The following CPAMD8 variants were observed in gnomAD, a reference collection of about 807,000 sequenced individuals.
CPAMD8 encodes the protein C3 and PZP like alpha-2-macroglobulin domain containing 8.
A neutral mutation model predicts 224.7 loss-of-function variants in CPAMD8; 146 were observed. The ratio of observed to expected loss-of-function variants is 0.65; its 90% CI spans 0.57 to 0.75. The LOEUF (loss-of-function observed/expected upper bound fraction) is 0.75. Among genes scored for constraint, CPAMD8 ranks in the 30% least tolerant of loss-of-function variants. The pLI is 0.00. For synonymous variants in CPAMD8, 966 were observed against 1,044.6 expected (o/e 0.92, Z 1.45); for missense variants, 2,301 against 2,537.5 (o/e 0.91, Z 2.00).
Position 16,970,991 on chromosome 19 carries a change from GGT to G in CPAMD8, c.2111_2112del (p.Asn704ThrfsTer11). On this transcript the variant is annotated frameshift_variant, in exon 18 of 42. Transcript: ENST00000443236. LOFTEE classifies it high-confidence loss of function. ...GTGTAGAGGCCACCGTCCTGCCGGT[GGT>G]TCAGGCTCACTCGGTCGGTCATCAC... Reference protein sequence around the residue: ...LVVMTDRVSLNHRQDGGLYTD... With the variant: ...LVVMTDRVSLXHRQDGGLYTD... 1.2e-6 allele frequency: 2 copies of G among 1,613,172 alleles called. No individual in the cohort carries two copies. Among genetic ancestry groups the G allele is most frequent in the Non-Finnish European group, 1.7e-6 (2 of 1,179,534 alleles).
intron 20 of CPAMD8, among the ~76,000 whole-genome samples, chr19:16,950,681 T>A (rs111932067): frequency 0.043 from 6,504 of 151,356 alleles, 252 homozygotes; most frequent in African/African-American, 0.11. Flanking sequence ...TAGTCCCATC[T>A]ACTTGAGAGG....
chr19:17,004,480 C>T (rs1417194543), intron 7 of CPAMD8, 94 bp from the exon 8 acceptor site: 2 of 752,394 alleles, frequency 2.7e-6, no homozygotes, highest in Admixed American at 4.6e-5. Flanking sequence ...CTTCTCCTTC[C>T]CTGAGCAGCC....
intron 29 of CPAMD8, chr19:16,910,845 A>C (rs2052699996): frequency 6.6e-6 from 1 of 152,372 alleles, no homozygotes; most frequent in Non-Finnish European, 1.5e-5. Context: ...ACACGCAGAC[A>C]AAGGCAGGGG....
chr19:16,970,361 C>G (rs1008181082), intron 18 of CPAMD8, among the ~76,000 whole-genome samples: 4 of 151,924 alleles, frequency 2.6e-5, no homozygotes, highest in African/African-American at 9.7e-5. Context: ...CTGCGGCAGG[C>G]AAATCACTTG....
intron 32 of CPAMD8, 40 bp downstream of exon 32, chr19:16,904,186 C>G: frequency 7.3e-7 from 1 of 1,372,990 alleles, no homozygotes; most frequent in Non-Finnish European, 1.0e-6. Flanking sequence ...ACCCCACCCA[C>G]CCAGCCCTGA....
In CPAMD8 at chr19:16,896,537, C is replaced by A. The variant is rs2052000993; in HGVS notation, c.5194G>T (p.Ala1732Ser). ...GCCTCCCGCAGGCGGCAGGCGCTGG[C>A]GTAGACCACCCCGTCGGAGCCGCAC... is the stretch of plus-strand genomic sequence containing the variant. ...PVCGSDGVVY[A>S]SACRLREAAC... Residue 1732 changes from alanine to serine, a missense_variant, in exon 40 of 42, where the codon GCC (alanine) becomes TCC (serine). Coordinates refer to ENST00000443236, the MANE Select transcript of CPAMD8 (RefSeq NM_015692.5). The A allele has an allele frequency of 1.3e-6, 2 of 1,491,282 alleles. No individual in the cohort carries two copies. The allele number at this position is 1,491,282 out of a possible 1,614,324, so 92.4% of individuals were successfully genotyped here. A position where few individuals can be genotyped will look rare whatever the true frequency, so the allele number is the denominator to read the frequency against.
chr19:16,931,919 T>G (rs1168715490), intron 23 of CPAMD8, among the ~76,000 whole-genome samples: 2 of 152,164 alleles, frequency 1.3e-5, no homozygotes, highest in Non-Finnish European at 2.9e-5. Flanking sequence ...ACACCACAGA[T>G]AGATCTTCAG....
At position 16,896,618 on chromosome 19, in the gene CPAMD8, C is replaced by A. The variant is rs1249645678; in HGVS notation, c.5113G>T (p.Ala1705Ser). The change falls in exon 40 of 42, where the codon GCG becomes TCG. Residue 1705 changes from alanine to serine, a missense_variant. By Grantham distance (99) the Ala-to-Ser change is moderately conservative (BLOSUM62 1). This residue lies in a region of CPAMD8 where 1,709 missense variants were observed against 1,753.2 expected (regional missense o/e 0.97). Coordinates refer to ENST00000443236, the MANE Select transcript of CPAMD8 (RefSeq NM_015692.5). ...TCGCAGCCGCATCGCGCGATCGCCG[C>A]CCCCTCCTCAGGGGCCACGGCAGGG... ...SGPAVAPEEG[A>S]AIARCGCDHD... 2.0e-6 allele frequency: 3 copies of A among 1,504,890 alleles called. No individual in the cohort carries two copies. The highest frequency in any genetic ancestry group is 1.8e-6 in the Non-Finnish European group (2 of 1,132,586). The allele number at this position is 1,504,890 out of a possible 1,614,324, so 93.2% of individuals were successfully genotyped here. A position where few individuals can be genotyped will look rare whatever the true frequency, so the allele number is the denominator to read the frequency against.
At chr19:16,968,522 C>T (rs2054936863) in intron 18 of CPAMD8, among the ~76,000 whole-genome samples, 1 of 152,188 alleles carries the variant, frequency 6.6e-6, no homozygotes, top group Non-Finnish European at 1.5e-5. Context: ...AAGTTAGAAC[C>T]TATTTGGCAG....
chr19:17,000,633 C>T, intron 9 of CPAMD8, 111 bp from the exon 10 acceptor site: 1 of 617,046 alleles, frequency 1.6e-6, no homozygotes. Context: ...GTGATGGATG[C>T]AGCTCCCTCC....
At position 16,901,288 on chromosome 19, in the gene CPAMD8, A is replaced by T. The variant is rs371897022; in HGVS notation, c.4695T>A (p.His1565Gln). The change falls in exon 36 of 42, where the codon CAT (histidine) becomes CAA (glutamine). Residue 1565 changes from histidine to glutamine, a missense_variant. His to Gln is a conservative substitution (Grantham distance 24). This residue lies in a region of CPAMD8 where 1,709 missense variants were observed against 1,753.2 expected (regional missense o/e 0.97). Transcript: ENST00000443236. ...VMLEVCTRWL[H>Q]AGSSNMAVLE... ...GGACAGCCATATTGGAAGACCCTGC[A>T]TGCAGCCACCTTCCAACAACAGGGG... 3.7e-6 allele frequency: 6 copies of T among 1,610,602 alleles called. No homozygotes were observed. The African/African-American group carries it at 5.3e-5, about 14-fold the overall frequency.
intron 39 of CPAMD8, chr19:16,897,290 A>G: frequency 1.6e-5 from 2 of 125,166 alleles, no homozygotes; most frequent in South Asian, 2.5e-4. Flanking sequence ...CCCGCACTGA[A>G]CACACCCGCC....
Position 17,022,059 on chromosome 19 carries a change from G to A in CPAMD8, c.215C>T (p.Pro72Leu), listed in dbSNP as rs142714688. Reference protein sequence around the residue: ...VQAQLVAQGEPVVQSQGAILD... With the variant: ...VQAQLVAQGELVVQSQGAILD... ...GATGGCTCCCTGGCTCTGCACCACC[G>A]GCTCACCCTGGGCCACCAGCTGAGC... is the stretch of plus-strand genomic sequence containing the variant. Residue 72 changes from proline (P) to leucine (L), a missense_variant, in exon 2 of 42, where the codon CCG becomes CTG. Transcript: ENST00000443236. 1,605 of 1,605,446 alleles carry A rather than the reference G, an allele frequency of 1.0e-3. 7 individuals are homozygous for A. The East Asian group carries it at 0.011, about 11-fold the overall frequency.
intron 23 of CPAMD8, among the ~76,000 whole-genome samples, chr19:16,935,397 C>A (rs1568493813): frequency 6.6e-6 from 1 of 152,142 alleles, no homozygotes; most frequent in Non-Finnish European, 1.5e-5. Context: ...CCATTTATAA[C>A]CATATCCATC....
At chr19:16,981,841 C>T (rs887041405) in intron 13 of CPAMD8, among the ~76,000 whole-genome samples, 3 of 152,204 alleles carry the variant, frequency 2.0e-5, no homozygotes, top group African/African-American at 7.2e-5. Flanking sequence ...CCTCTCTGAG[C>T]CTCAGTTTCC....
rs1409247695 is a variant in CPAMD8 at position 17,026,657 on chromosome 19, G to A, written c.-15C>T. 1 of 1,401,714 alleles carries A rather than the reference G, an allele frequency of 7.1e-7. No homozygotes were observed. The highest frequency in any genetic ancestry group is 9.2e-7 in the Non-Finnish European group (1 of 1,082,702). 86.8% of individuals were successfully genotyped at this position (1,401,714 alleles called of 1,614,324 possible). ...GCGCCGCTCATTTTTCGGCTCCTGG[G>A]GGGCGCCGCGCCTGGGGAGGGGGCC... On this transcript the variant is annotated 5_prime_UTR_variant, in exon 1 of 42. Coordinates refer to ENST00000443236, the MANE Select transcript of CPAMD8 (RefSeq NM_015692.5).
intron 9 of CPAMD8, 101 bp downstream of exon 9, chr19:17,002,165 A>T: frequency 1.3e-6 from 1 of 745,624 alleles, no homozygotes; most frequent in Non-Finnish European, 2.3e-6. Context: ...TGTGGGAGGG[A>T]GGGAGGCAGC....
At chr19:17,021,901 C>CA in intron 2 of CPAMD8, 129 bp downstream of exon 2, 3 of 762,114 alleles carry the variant, frequency 3.9e-6, no homozygotes, top group South Asian at 1.9e-5. Context: ...CCCTCCCTCC[C>CA]ATGCCCCTGG....
intron 5 of CPAMD8, 151 bp from the exon 6 acceptor site, chr19:17,009,471 C>T: frequency 7.4e-7 from 1 of 1,347,054 alleles, no homozygotes; most frequent in Non-Finnish European, 1.0e-6. Context: ...GAATCCTAAC[C>T]CCAAGTAGGG....
Sources: gnomAD v4.1 joint callset for allele counts (sites outside exome capture counted in the v4.1 genomes callset) on GRCh38, gnomAD v4.1.1 for gene constraint, gnomAD v4.1.1 regional missense constraint, MANE v1.5 for transcripts, NCBI Gene and HGNC (gene_info 2026-07-23, HGNC 2026-07-21) for gene names.